LDLRAD4: variants seen among roughly 807,000 people sequenced by gnomAD.
The protein encoded by LDLRAD4 is low-density lipoprotein receptor class A domain-containing protein 4.
Under a neutral mutation model 17.0 loss-of-function variants are expected in LDLRAD4, and 5 were observed. The ratio of observed to expected loss-of-function variants is 0.29; its 90% confidence interval spans 0.15 to 0.62. LDLRAD4 has a LOEUF of 0.62. Among genes scored for constraint, LDLRAD4 ranks in the 20% least tolerant of loss-of-function variants. The pLI is 0.84. For synonymous variants in LDLRAD4, 168 were observed against 171.8 expected (o/e 0.98, Z 0.17); for missense variants, 340 against 424.7 (o/e 0.80, Z 1.75).
intron 3 of LDLRAD4, chr18:13,487,669 A>G (rs1309528986): frequency 1.3e-5 from 2 of 152,188 alleles, no homozygotes; most frequent in African/African-American, 2.4e-5. Context: ...TCCACACTAA[A>G]TAAGTAAAAC....
intron 1 of LDLRAD4, among the ~76,000 whole-genome samples, chr18:13,308,778 G>A (rs1362514617): frequency 2.0e-5 from 3 of 152,232 alleles, no homozygotes; most frequent in Non-Finnish European, 2.9e-5. Flanking sequence ...GCGTGATAAC[G>A]CATGCAGATA....
intron 1 of LDLRAD4, among the ~76,000 whole-genome samples, chr18:13,292,818 C>T (rs977668747): frequency 6.6e-6 from 1 of 152,218 alleles, no homozygotes. Flanking sequence ...ACAAGTTTTT[C>T]ATTGGCGATC....
intron 3 of LDLRAD4, among the ~76,000 whole-genome samples, chr18:13,495,845 C>G (rs754306875): frequency 1.3e-5 from 2 of 152,214 alleles, no homozygotes; most frequent in African/African-American, 2.4e-5. Context: ...ACTGCCACTG[C>G]GCAGTGTTCA....
intron 3 of LDLRAD4, among the ~76,000 whole-genome samples, chr18:13,458,004 G>A (rs910200403): frequency 1.1e-4 from 17 of 152,214 alleles, no homozygotes; most frequent in Non-Finnish European, 2.4e-4. Context: ...CATGGTGGTG[G>A]TCATTCATAC....
rs2093010877 is a variant in LDLRAD4, at chr18:13,478,759, G to A, written c.181+40375G>A. Among the ~76,000 whole-genome samples the A allele has an allele frequency of 2.0e-5, 3 of 152,140 alleles. No individual in the cohort carries two copies. In the South Asian group the frequency reaches 6.2e-4, roughly 31 times the overall value. On this transcript the variant is annotated intron_variant, in intron 3 of 5. Coordinates refer to ENST00000359446, the Ensembl canonical transcript of LDLRAD4. The stretch of plus-strand genomic sequence containing the variant: ...TAAAAATCCCAGTGAGTTGTTTTTT[G>A]GATACGGAAAAACTGATTCTAAAGT...
chr18:13,218,899 G>C (rs1005517313), exon 1 of LDLRAD4: 2 of 152,422 alleles, frequency 1.3e-5, no homozygotes, highest in African/African-American at 4.8e-5. Context: ...ACTTGCCTTT[G>C]TGAAGGGGTC....
chr18:13,564,174 G>C (rs2094569986), intron 3 of LDLRAD4, among the ~76,000 whole-genome samples: 1 of 152,208 alleles, frequency 6.6e-6, no homozygotes, highest in South Asian at 2.1e-4. Flanking sequence ...GAGTCGACAG[G>C]CTCCGGCATA....
intron 1 of LDLRAD4, among the ~76,000 whole-genome samples, chr18:13,372,473 G>A (rs2084588778): frequency 6.6e-6 from 1 of 152,200 alleles, no homozygotes. Flanking sequence ...AAAGAGACAA[G>A]ATGAATGCAA....
rs566885215 is a variant in LDLRAD4 at position 13,448,455 on chromosome 18, A to G, written c.181+10071A>G. 5.3e-4 allele frequency among the ~76,000 whole-genome samples: 81 copies of G among 152,206 alleles called. 1 individual carries two copies. The East Asian group carries it at 0.014, about 26-fold the overall frequency. ...TGGCAGAGCTGTAGGAAAGCGGGTA[A>G]AAAAATCCCCAGCGCCTGCCTGGCT... On this transcript the variant is annotated intron_variant, in intron 3 of 5. Coordinates refer to ENST00000359446, the Ensembl canonical transcript of LDLRAD4.
chr18:13,472,035 G>C (rs930382437), intron 3 of LDLRAD4: 1 of 152,246 alleles, frequency 6.6e-6, no homozygotes. Context: ...GTAGGCAGAA[G>C]GGTTTCGTTT....
intron 3 of LDLRAD4, chr18:13,515,877 A>G (rs2093858069): frequency 6.6e-6 from 1 of 152,182 alleles, no homozygotes; most frequent in Non-Finnish European, 1.5e-5. Context: ...GAGTGCCACA[A>G]TTATAGCTGA....
At chr18:13,530,494 G>A (rs2094110710) in intron 3 of LDLRAD4, among the ~76,000 whole-genome samples, 2 of 152,184 alleles carry the variant, frequency 1.3e-5, no homozygotes, top group Non-Finnish European at 2.9e-5. Context: ...CTTCTAGTAG[G>A]AGTCCAAAAA....
intron 4 of LDLRAD4, among the ~76,000 whole-genome samples, chr18:13,628,869 T>TCCA (rs2041406039): frequency 6.6e-6 from 1 of 152,240 alleles, no homozygotes; most frequent in African/African-American, 2.4e-5. Flanking sequence ...CTCACTTTGT[T>TCCA]GCGCAGGCTG....
chr18:13,423,736 T>C (rs1359235942), intron 2 of LDLRAD4: 1 of 152,624 alleles, frequency 6.6e-6, no homozygotes, highest in East Asian at 1.9e-4. Flanking sequence ...CTTTCACACA[T>C]GTCCTTTATG....
chr18:13,412,676 A>AG (rs2088490439), intron 2 of LDLRAD4, among the ~76,000 whole-genome samples: 1 of 152,146 alleles, frequency 6.6e-6, no homozygotes, highest in Non-Finnish European at 1.5e-5. Flanking sequence ...TGGTGAGAAA[A>AG]GGATTTGTTT....
At chr18:13,478,922 C>T (rs893839018) in intron 3 of LDLRAD4, among the ~76,000 whole-genome samples, 7 of 152,210 alleles carry the variant, frequency 4.6e-5, no homozygotes, top group African/African-American at 1.7e-4. Flanking sequence ...AAAGAACAGA[C>T]AGATGGATCA....
chr18:13,487,288 A>G (rs7229093), intron 3 of LDLRAD4: 18,667 of 152,320 alleles, frequency 0.12, 1,371 homozygotes, highest in Middle Eastern at 0.18. Flanking sequence ...GGTGTGCTAC[A>G]CTTACAGGTG....
At chr18:13,325,045 G>A (rs542948373) in intron 1 of LDLRAD4, among the ~76,000 whole-genome samples, 1 of 152,278 alleles carries the variant, frequency 6.6e-6, no homozygotes, top group South Asian at 2.1e-4. Flanking sequence ...GTCTCAGGGC[G>A]GCAGAGGGAT....
intron 3 of LDLRAD4, among the ~76,000 whole-genome samples, chr18:13,507,401 A>G (rs2093711687): frequency 1.3e-5 from 2 of 152,182 alleles, no homozygotes; most frequent in Non-Finnish European, 2.9e-5. Context: ...TCCCACTTAT[A>G]AGTGAGAACA....
Sources: allele counts gnomAD v4.1 joint callset (sites outside exome capture counted in the v4.1 genomes callset), GRCh38; gene constraint gnomAD v4.1.1; transcripts MANE v1.5; gene names NCBI Gene and HGNC (gene_info 2026-07-23, HGNC 2026-07-21).